APOB: variants seen among roughly 807,000 people sequenced by gnomAD.
APOB encodes apolipoprotein B.
Under a neutral mutation model 314.1 loss-of-function variants are expected in APOB, and 153 were observed. That is an observed-to-expected ratio of 0.49 (90% CI 0.43 to 0.56). The LOEUF (loss-of-function observed/expected upper bound fraction) is 0.56, where lower values mean the gene tolerates loss of function less well. APOB is among the 20% of genes least tolerant of loss of function. The pLI is 0.00. For missense variants in APOB, 5,430 were observed against 5,350.7 expected (o/e 1.01, Z -0.46); for synonymous variants, 2,087 against 2,036.4 (o/e 1.02, Z -0.67).
rs779345915 is a variant in APOB, at chr2:21,002,018, C to T, written c.13404G>A (p.Glu4468=). 1 of 1,614,016 alleles carries T rather than the reference C, an allele frequency of 6.2e-7. No individual in the cohort carries two copies. The highest frequency in any genetic ancestry group is 1.6e-4 in the Middle Eastern group (1 of 6,062). ...TTATTTCCTGAGCAGTGGCAGAAAG[C>T]TCTGCAATCTTCTCTTTCCCTTTTC... is the stretch of plus-strand genomic sequence containing the variant. ...PDGKGKEKIA[E]LSATAQEIIK... Residue 4468 remains glutamate (E), a synonymous_variant, in exon 29 of 29, where the codon GAG becomes GAA. Transcript: ENST00000233242.
chr2:21,025,188 A>G, intron 15 of APOB, 64 bp from the exon 16 acceptor site: 2 of 1,528,464 alleles, frequency 1.3e-6, no homozygotes, highest in South Asian at 1.1e-5. Flanking sequence ...TTCAGTTCCC[A>G]ATGTGGGACC....
rs569621676 is a variant in APOB, at chr2:21,028,098, C to T, written c.1830-33G>A. ...AGAAGAAGTATATTTTGAGCTGACA[C>T]ACCATGTTATTATCCTTTGACTCTT... On this transcript the variant is annotated intron_variant, in intron 13 of 28. Coordinates refer to ENST00000233242, the MANE Select transcript of APOB (RefSeq NM_000384.3). The T allele has an allele frequency of 6.2e-6, 9 of 1,450,936 alleles. No homozygotes were observed. The African/African-American group carries it at 8.3e-5, about 13-fold the overall frequency. The allele number at this position is 1,450,936 out of a possible 1,614,324, so 89.9% of individuals were successfully genotyped here.
rs1301793195 is a variant in APOB at position 21,011,751 on chromosome 2, G to A, written c.5117C>T (p.Thr1706Ile). 6.2e-7 allele frequency: 1 copy of A among 1,614,108 alleles called. No homozygotes were observed. The highest frequency in any genetic ancestry group is 8.5e-7 in the Non-Finnish European group (1 of 1,180,026). ...ATAAGCACTTCCCAGTGATAGCTCT[G>A]TGAGGGCGGCTTTCCCATCCAGACT... is the stretch of plus-strand genomic sequence containing the variant. ...KFSLDGKAAL[T>I]ELSLGSAYQA... The change falls in exon 26 of 29, where the codon ACA becomes ATA. Residue 1706 changes from threonine to isoleucine, a missense_variant. By Grantham distance (89) the Thr-to-Ile change is moderately conservative. Coordinates refer to ENST00000233242, the MANE Select transcript of APOB (RefSeq NM_000384.3).
At position 21,006,018 on chromosome 2, in the gene APOB, C is replaced by T. The variant is rs139329252; in HGVS notation, c.10850G>A (p.Gly3617Asp). The change falls in exon 26 of 29, where the codon GGC becomes GAC. Residue 3617 changes from glycine (G) to aspartate (D), a missense_variant. Coordinates refer to ENST00000233242, the MANE Select transcript of APOB (RefSeq NM_000384.3). ...GTTAGCATTCAGGGCCACTTCCTGG[C>T]CAAGGTCAGGGAAATCATGGAAGGA... Reference protein sequence around the residue: ...PSSFHDFPDLGQEVALNANTK... With the variant: ...PSSFHDFPDLDQEVALNANTK... 2.5e-6 allele frequency: 4 copies of T among 1,613,850 alleles called. No individual in the cohort carries two copies. The highest frequency in any genetic ancestry group is 3.4e-6 in the Non-Finnish European group (4 of 1,179,956).
At chr2:21,043,090 C>A (rs1337544624) in intron 2 of APOB, among the ~76,000 whole-genome samples, 1 of 149,588 alleles carries the variant, frequency 6.7e-6, no homozygotes, top group Non-Finnish European at 1.5e-5. Context: ...CACAGGGTCG[C>A]GCTTGGAGGC....
intron 1 of APOB, 63 bp from the exon 2 acceptor site, chr2:21,043,614 G>A (rs1188417688): frequency 1.9e-6 from 3 of 1,557,640 alleles, no homozygotes; most frequent in African/African-American, 1.4e-5. Flanking sequence ...GCTAGGGCCC[G>A]ACAGGGGGAC....
At chr2:21,025,343 A>G (rs532099564) in intron 15 of APOB, among the ~76,000 whole-genome samples, 1 of 152,158 alleles carries the variant, frequency 6.6e-6, no homozygotes, top group Non-Finnish European at 1.5e-5. Flanking sequence ...ATTCTTAATT[A>G]AAAAATCTGT....
chr2:21,002,541 T>C lies in APOB; in HGVS notation c.12881A>G (p.Glu4294Gly). The C allele has an allele frequency of 1.2e-6, 2 of 1,613,998 alleles. No individual in the cohort carries two copies. Among genetic ancestry groups the C allele is most frequent in the African/African-American group, 2.7e-5 (2 of 75,036 alleles). ...AAGGTCCTGAAGATTACGTAGCACC[T>C]CTGTGGTCTTGAGAGACTGAATGGC... ...FKAIQSLKTT[E>G]VLRNLQDLLQ... Residue 4294 changes from glutamate (E) to glycine (G), a missense_variant, in exon 29 of 29, where the codon GAG (glutamate) becomes GGG (glycine). Glu to Gly is a moderately conservative substitution (Grantham distance 98). Around this residue, in one of 3 missense-constraint regions of APOB, gnomAD observed 3,281 missense variants for 3,171.0 expected, o/e 1.03. Coordinates refer to ENST00000233242, the MANE Select transcript of APOB (RefSeq NM_000384.3).
rs1489971057 is a variant in APOB at position 21,002,816 on chromosome 2, G to A, written c.12606C>T (p.Phe4202=). ...ATATCCCAGGTTTCCCCGGAAACTG[G>A]AATCTGGGGAAGTTCAGAAAATCAA... ...SLIDFLNFPR[F]QFPGKPGIYT... is the part of the protein sequence containing the mutation. Residue 4202 remains phenylalanine (F), a synonymous_variant, in exon 29 of 29, where the codon TTC becomes TTT. Coordinates refer to ENST00000233242, the MANE Select transcript of APOB (RefSeq NM_000384.3). 1.9e-6 allele frequency: 3 copies of A among 1,611,172 alleles called. No homozygotes were observed. Among genetic ancestry groups the A allele is most frequent in the Non-Finnish European group, 2.5e-6 (3 of 1,178,348 alleles).
Position 21,010,392 on chromosome 2 carries a change from G to C in APOB, c.6476C>G (p.Ala2159Gly). ...YRITENDIQI[A>G]LDDAKINFNE... is the part of the protein sequence containing the mutation. ...AAAGTTGATTTTGGCATCATCTAAT[G>C]CAATTTGTATATCATTTTCTGTAAT... Residue 2159 changes from alanine to glycine, a missense_variant, in exon 26 of 29, where the codon GCA (alanine) becomes GGA (glycine). Physicochemically the swap from Ala to Gly is moderately conservative, Grantham distance 60. Around this residue, in one of 3 missense-constraint regions of APOB, gnomAD observed 3,281 missense variants for 3,171.0 expected, o/e 1.03. Coordinates refer to ENST00000233242, the MANE Select transcript of APOB (RefSeq NM_000384.3). 1.3e-6 allele frequency: 2 copies of C among 1,591,316 alleles called. No individual in the cohort carries two copies. Among genetic ancestry groups the C allele is most frequent in the Non-Finnish European group, 1.7e-6 (2 of 1,167,194 alleles).
rs758599848 is a variant in APOB, at chr2:21,002,828, G to C, written c.12594C>G (p.Asn4198Lys). The C allele has an allele frequency of 3.1e-6, 5 of 1,612,460 alleles. No homozygotes were observed. The South Asian group carries it at 5.5e-5, about 18-fold the overall frequency. The change falls in exon 29 of 29, where the codon AAC becomes AAG. Residue 4198 changes from asparagine to lysine, a missense_variant. This residue lies in a region of APOB where 3,281 missense variants were observed against 3,171.0 expected (regional missense o/e 1.03). Coordinates refer to ENST00000233242, the MANE Select transcript of APOB (RefSeq NM_000384.3). ...TCCCCGGAAACTGGAATCTGGGGAA[G>C]TTCAGAAAATCAATGAGTGAGTCAA... ...HLIDSLIDFL[N>K]FPRFQFPGKP... is the part of the protein sequence containing the mutation.
In APOB at chr2:21,032,492, G is replaced by T. The variant is rs751860615; in HGVS notation, c.1214C>A (p.Pro405His). 1.2e-6 allele frequency: 2 copies of T among 1,614,074 alleles called. No homozygotes were observed. The highest frequency in any genetic ancestry group is 2.7e-5 in the African/African-American group (2 of 74,936). Residue 405 changes from proline (P) to histidine (H), a missense_variant, in exon 10 of 29, where the codon CCC becomes CAC. This residue lies in a region of APOB where 2,085 missense variants were observed against 2,079.7 expected (regional missense o/e 1.00). Coordinates refer to ENST00000233242, the MANE Select transcript of APOB (RefSeq NM_000384.3). The part of the protein sequence containing the change: ...LQWLKRVHAN[P>H]LLIDVVTYLV... ...GTAGGTGACCACATCTATCAGAAGG[G>T]GGTTGGCATGCACACGTTTCAGCCA...
In APOB at chr2:21,043,858, ACTCACCGGCC is replaced by A; in HGVS notation, c.78_82+5del. ...CTCTGCGCCCGCAGAGCGGCCGCGC[ACTCACCGGCC>A]CTGGCGCCCGCCAGCAGCAGCAGCA... On this transcript the variant is annotated splice_donor_variant and splice_donor_5th_base_variant and coding_sequence_variant and intron_variant, in exon 1 of 29. Coordinates refer to ENST00000233242, the MANE Select transcript of APOB (RefSeq NM_000384.3). LOFTEE classifies it high-confidence loss of function. 3.3e-6 allele frequency: 5 copies of A among 1,520,586 alleles called. No individual in the cohort carries two copies. Among genetic ancestry groups the A allele is most frequent in the Non-Finnish European group, 4.4e-6 (5 of 1,139,802 alleles). 94.2% of individuals were successfully genotyped at this position (1,520,586 alleles called of 1,614,324 possible).
chr2:21,008,515 T>G lies in APOB; in HGVS notation c.8353A>C (p.Asn2785His), dbSNP rs2163204. The G allele has an allele frequency of 3.6e-3, 5,797 of 1,614,096 alleles. 138 individuals are homozygous for G. In the East Asian group the frequency reaches 0.072, roughly 20 times the overall value. ...ATGGAAGCTGCGATACCTGCTTCGT[T>G]TGCTGAGGTGGTTCCATTCCCTATG... ...ADIGNGTTSA[N>H]EAGIAASITA... Residue 2785 changes from asparagine (N) to histidine (H), a missense_variant, in exon 26 of 29, where the codon AAC becomes CAC. Asn to His is a moderately conservative substitution (Grantham distance 68). Coordinates refer to ENST00000233242, the MANE Select transcript of APOB (RefSeq NM_000384.3).
rs753427312 is a variant in APOB, at chr2:21,010,901, G to T, written c.5967C>A (p.Asn1989Lys). Reference protein sequence around the residue: ...GTWKLKTQFNNNEYSQDLDAY... With the variant: ...GTWKLKTQFNKNEYSQDLDAY... ...CATCCAAGTCCTGGCTGTATTCATT[G>T]TTGTTAAATTGGGTCTTGAGTTTCC... The change falls in exon 26 of 29, where the codon AAC becomes AAA. Residue 1989 changes from asparagine (N) to lysine (K), a missense_variant. Asn to Lys is a moderately conservative substitution (Grantham distance 94, BLOSUM62 0). Coordinates refer to ENST00000233242, the MANE Select transcript of APOB (RefSeq NM_000384.3). 3.7e-6 allele frequency: 6 copies of T among 1,614,014 alleles called. No homozygotes were observed. Among genetic ancestry groups the T allele is most frequent in the Non-Finnish European group, 5.1e-6 (6 of 1,180,012 alleles).
At chr2:21,032,628 A>G (rs764943231) in intron 9 of APOB, 47 bp from the exon 10 acceptor site, 2 of 1,456,026 alleles carry the variant, frequency 1.4e-6, no homozygotes, top group East Asian at 4.6e-5. Flanking sequence ...CCTTCAGGGC[A>G]CATAAAATAT....
In APOB at chr2:21,004,002, A is replaced by C. The variant is rs542404934; in HGVS notation, c.12087+267T>G. On this transcript the variant is annotated intron_variant, in intron 28 of 28. Transcript: ENST00000233242. ...GCTGAGCTTGCCTATGATTTAGATG[A>C]TGAGGTATAACCCTCATCTTCCTGG... Among the ~76,000 whole-genome samples, 43 of 152,294 alleles carry C rather than the reference A, an allele frequency of 2.8e-4. 2 individuals carry two copies. In the South Asian group the frequency reaches 8.9e-3, roughly 32 times the overall value.
chr2:21,023,734 T>C (rs758002171), intron 16 of APOB, 42 bp from the exon 17 acceptor site: 12 of 1,547,926 alleles, frequency 7.8e-6, no homozygotes, highest in African/African-American at 1.4e-5. Context: ...GTAAGTCTTT[T>C]TAAAGTCGGT....
chr2:21,007,900 A>G lies in APOB; in HGVS notation c.8968T>C (p.Ser2990Pro). 2 of 1,614,080 alleles carry G rather than the reference A, an allele frequency of 1.2e-6. No homozygotes were observed. Among genetic ancestry groups the G allele is most frequent in the Non-Finnish European group, 1.7e-6 (2 of 1,179,976 alleles). The change falls in exon 26 of 29, where the codon TCA becomes CCA. Residue 2990 changes from serine (S) to proline (P), a missense_variant. Physicochemically the swap from Ser to Pro is moderately conservative, Grantham distance 74. Around this residue, in one of 3 missense-constraint regions of APOB, gnomAD observed 3,281 missense variants for 3,171.0 expected, o/e 1.03. Transcript: ENST00000233242. Reference protein sequence around the residue: ...SLNFSKLEIQSQVDSQHVGHS... With the variant: ...SLNFSKLEIQPQVDSQHVGHS... Reference sequence around the variant, plus strand: ...CCCACATGCTGGGAATCGACTTGTGATTGAATTTCAAGTTTAGAAAAGTTG... The same window carrying G: ...CCCACATGCTGGGAATCGACTTGTGGTTGAATTTCAAGTTTAGAAAAGTTG...
Sources: gnomAD v4.1 joint callset for allele counts (sites outside exome capture counted in the v4.1 genomes callset) on GRCh38, gnomAD v4.1.1 for gene constraint, gnomAD v4.1.1 regional missense constraint, MANE v1.5 for transcripts, NCBI Gene and HGNC (gene_info 2026-07-23, HGNC 2026-07-21) for gene names.